Variants in POTEF observed in about 807,000 individuals in gnomAD.
The protein encoded by POTEF is POTE ankyrin domain family member F.
POTEF carries 20 observed loss-of-function variants against 83.2 expected under a neutral mutation model. The observed-to-expected ratio is 0.24, with a 90% CI of 0.17 to 0.35. The LOEUF is 0.35. Ranked by LOEUF, POTEF falls within the 10% of genes least tolerant of loss-of-function variation. The pLI is 1.00. For missense variants in POTEF, 550 were observed against 1,203.2 expected (o/e 0.46, Z 8.03); for synonymous variants, 196 against 446.4 (o/e 0.44, Z 7.07).
At chr2:130,080,530 C>A (rs2672131) in intron 15 of POTEF, among the ~76,000 whole-genome samples, 7,697 of 22,260 alleles carry the variant, frequency 0.35, 10 homozygotes, top group Admixed American at 0.4. Context: ...AAACAAAACA[C>A]TTATTTTTAA....
At chr2:130,108,134 A>T (rs1419107940) in intron 7 of POTEF, 55 bp from the exon 8 acceptor site, 1 of 1,524,080 alleles carries the variant, frequency 6.6e-7, no homozygotes, top group Non-Finnish European at 8.8e-7. Context: ...ATATAAAAAA[A>T]CTTACCAAAT....
Position 130,120,293 on chromosome 2 carries a change from T to A in POTEF, c.223A>T (p.Ser75Cys), listed in dbSNP as rs1684965418. 6.2e-7 allele frequency: 1 copy of A among 1,606,168 alleles called. No homozygotes were observed. The highest frequency in any genetic ancestry group is 1.4e-5 in the African/African-American group (1 of 69,858). ...GAAGCGCCCACGTTGCTCTTGCCAC[T>A]CCCCCTGCAGCAGGGGAAGCAGTGG... ...CRHCFPCCRG[S>C]GKSNVGASGD... is the part of the protein sequence containing the mutation. The change falls in exon 3 of 17, where the codon AGT becomes TGT. Residue 75 changes from serine (S) to cysteine (C), a missense_variant. Coordinates refer to ENST00000409914, the MANE Select transcript of POTEF (RefSeq NM_001099771.2).
chr2:130,121,227 G>A (rs1684996925), intron 2 of POTEF, among the ~76,000 whole-genome samples: 1 of 148,588 alleles, frequency 6.7e-6, no homozygotes, highest in Non-Finnish European at 1.5e-5. Flanking sequence ...TTGGCGCCAC[G>A]AATGTCACTG....
intron 11 of POTEF, among the ~76,000 whole-genome samples, chr2:130,095,025 C>CTTTT (rs1189045004): frequency 7.5e-5 from 8 of 107,094 alleles, no homozygotes; most frequent in African/African-American, 1.7e-4. Flanking sequence ...CCATGTCAAA[C>CTTTT]TTTTTTTTTT....
chr2:130,128,423 C>T (rs1308577387), intron 1 of POTEF, among the ~76,000 whole-genome samples: 6 of 151,852 alleles, frequency 4.0e-5, no homozygotes, highest in Admixed American at 6.6e-5. Context: ...CCTCTGCAGC[C>T]GACCAACACC....
intron 8 of POTEF, among the ~76,000 whole-genome samples, chr2:130,102,506 A>AT (rs1320294019): frequency 7.0e-6 from 1 of 142,056 alleles, no homozygotes; most frequent in Non-Finnish European, 1.5e-5. Context: ...AATGTAAAGA[A>AT]AAGGAAATTT....
intron 15 of POTEF, among the ~76,000 whole-genome samples, chr2:130,078,881 AAGAT>A (rs1390284845): frequency 7.7e-5 from 1 of 13,030 alleles, no homozygotes; most frequent in Non-Finnish European, 1.4e-4. Flanking sequence ...CTGGGAAAAA[AAGAT>A]AGCCACATGT....
At chr2:130,102,710 A>C (rs1489915612) in intron 8 of POTEF, among the ~76,000 whole-genome samples, 44 of 150,942 alleles carry the variant, frequency 2.9e-4, no homozygotes, top group African/African-American at 9.6e-4. Flanking sequence ...GCATTCACTC[A>C]GAGCTGTTTT....
intron 1 of POTEF, among the ~76,000 whole-genome samples, chr2:130,128,460 C>A (rs1258708428): frequency 6.7e-6 from 1 of 150,354 alleles, no homozygotes; most frequent in African/African-American, 2.5e-5. Flanking sequence ...CCATAGCAAC[C>A]CTAACCTGAC....
At chr2:130,109,342 C>T (rs1418824359) in intron 7 of POTEF, 8 of 142,166 alleles carry the variant, frequency 5.6e-5, no homozygotes, top group African/African-American at 2.2e-4. Flanking sequence ...ATTAGTGATG[C>T]GTCATGGACA....
At position 130,120,490 on chromosome 2, in the gene POTEF, G is replaced by A. The variant is rs756143901; in HGVS notation, c.26C>T (p.Pro9Leu). 14 of 1,613,180 alleles carry A rather than the reference G, an allele frequency of 8.7e-6. No homozygotes were observed. Among genetic ancestry groups the A allele is most frequent in the Admixed American group, 6.7e-5 (4 of 59,986 alleles). ...TGGCTTCTTCACAGAAGAGGCAGCC[G>A]GCATGGAATCAACCTCAACCACCAT... MVVEVDSM[P>L]AASSVKKPFG... is the part of the protein sequence containing the mutation. The change falls in exon 3 of 17, where the codon CCG becomes CTG. Residue 9 changes from proline to leucine, a missense_variant. Coordinates refer to ENST00000409914, the MANE Select transcript of POTEF (RefSeq NM_001099771.2).
intron 7 of POTEF, chr2:130,109,439 A>G (rs1415029378): frequency 1.4e-5 from 2 of 145,268 alleles, no homozygotes; most frequent in Non-Finnish European, 3.0e-5. Flanking sequence ...GTTTGAAAAT[A>G]TCTTAAAATC....
intron 9 of POTEF, 24 bp downstream of exon 9, chr2:130,102,086 A>T (rs1456794052): frequency 2.5e-6 from 4 of 1,607,876 alleles, no homozygotes; most frequent in African/African-American, 1.4e-5. Context: ...TAAATCAAAA[A>T]TTTAAATTTA....
intron 8 of POTEF, among the ~76,000 whole-genome samples, chr2:130,102,888 C>T (rs936093668): frequency 1.3e-5 from 2 of 151,542 alleles, no homozygotes; most frequent in Middle Eastern, 3.2e-3. Flanking sequence ...GCTCAGCTTT[C>T]GGATGCAAAT....
At position 130,128,761 on chromosome 2, in the gene POTEF, C is replaced by A. The variant is rs1176424832; in HGVS notation, c.-250+311G>T. Among the ~76,000 whole-genome samples the A allele has an allele frequency of 3.2e-3, 457 of 140,986 alleles. 1 individual carries two copies. Among genetic ancestry groups the A allele is most frequent in the African/African-American group, 0.012 (420 of 35,684 alleles). The allele number at this position is 140,986 out of a possible 152,430, so 92.5% of individuals were successfully genotyped here. ...ACCCCCCGCTGCCAGCATTGTAGCT[C>A]CAAATAACCACCAAAACCACTCCCT... is the stretch of plus-strand genomic sequence containing the variant. On this transcript the variant is annotated intron_variant, in intron 1 of 16. Coordinates refer to ENST00000409914, the MANE Select transcript of POTEF (RefSeq NM_001099771.2).
Position 130,121,108 on chromosome 2 carries a change from GGGCGTGTGCGCGC to G in POTEF, c.-93-513_-93-501del, listed in dbSNP as rs898304666. Among the ~76,000 whole-genome samples, 14 of 151,804 alleles carry G rather than the reference GGGCGTGTGCGCGC, an allele frequency of 9.2e-5. No individual in the cohort carries two copies. The East Asian group carries it at 1.6e-3, about 17-fold the overall frequency. On this transcript the variant is annotated intron_variant, in intron 2 of 16. Transcript: ENST00000409914. ...GTTACAAGCCAGCCAAGCTGCTGCC[GGGCGTGTGCGCGC>G]GGCGTGCGCGTGCGCGTGCGGCGTG...
chr2:130,108,406 C>T (rs1445494449), intron 7 of POTEF, among the ~76,000 whole-genome samples: 13 of 152,172 alleles, frequency 8.5e-5, no homozygotes, highest in South Asian at 2.1e-4. Context: ...GGACAACTTG[C>T]TTCTCTTAGG....
At chr2:130,116,181 A>T (rs955891613) in intron 3 of POTEF, among the ~76,000 whole-genome samples, 68 of 151,932 alleles carry the variant, frequency 4.5e-4, no homozygotes, top group Non-Finnish European at 8.7e-4. Context: ...CTTTAAGCCA[A>T]AGAAAACCTG....
At chr2:130,104,574 G>T (rs989614592) in intron 8 of POTEF, among the ~76,000 whole-genome samples, 2 of 151,578 alleles carry the variant, frequency 1.3e-5, no homozygotes, top group African/African-American at 4.9e-5. Context: ...CACAGAAAAT[G>T]ATTTTTTAGA....
Sources: allele counts gnomAD v4.1 joint callset (sites outside exome capture counted in the v4.1 genomes callset), GRCh38; gene constraint gnomAD v4.1.1; transcripts MANE v1.5; gene names NCBI Gene and HGNC (gene_info 2026-07-23, HGNC 2026-07-21).